ARHGEF3: variants seen among roughly 807,000 people sequenced by gnomAD.
ARHGEF3 encodes 59.8 kDA protein.
In ARHGEF3, 28 loss-of-function variants were observed where a neutral mutation model predicts 63.2. The ratio of observed to expected loss-of-function variants is 0.44; its 90% CI spans 0.33 to 0.61. ARHGEF3 has a LOEUF of 0.61. Among genes scored for constraint, ARHGEF3 ranks in the 20% least tolerant of loss-of-function variants. The probability of loss-of-function intolerance (pLI) is 0.03; values close to 1 mark genes in which losing one functional copy is unlikely to be tolerated. For synonymous variants in ARHGEF3, 266 were observed against 254.2 expected, an observed-to-expected ratio of 1.05 and a Z score of -0.44; for missense variants, 533 against 659.3, an observed-to-expected ratio of 0.81 and a Z score of 2.10.
intron 1 of ARHGEF3, among the ~76,000 whole-genome samples, chr3:56,784,756 G>A (rs750071595): frequency 2.0e-5 from 3 of 152,120 alleles, no homozygotes; most frequent in Non-Finnish European, 4.4e-5. Context: ...TATCACTCTG[G>A]CCCAAAGAGT....
Position 56,990,310 on chromosome 3 carries a change from G to A in ARHGEF3, c.63-31421C>T, listed in dbSNP as rs912919516. Reference sequence around the variant, plus strand: ...TTCAGAACACCTGCAAGGTGGCTGGGCCATGGCTCACGCCTGTAATCCCAC... The same window carrying A: ...TTCAGAACACCTGCAAGGTGGCTGGACCATGGCTCACGCCTGTAATCCCAC... On this transcript the variant is annotated intron_variant, in intron 2 of 12. Transcript: ENST00000338458. Among the ~76,000 whole-genome samples, 74 of 152,256 alleles carry A rather than the reference G, an allele frequency of 4.9e-4. 1 individual carries two copies. The highest frequency in any genetic ancestry group is 1.3e-4 in the Non-Finnish European group (9 of 68,050).
intron 3 of ARHGEF3, among the ~76,000 whole-genome samples, chr3:56,900,013 C>T (rs1308384952): frequency 6.6e-6 from 1 of 152,180 alleles, no homozygotes; most frequent in Non-Finnish European, 1.5e-5. Flanking sequence ...TTTACCTAAC[C>T]TTCTTCCTTC....
chr3:57,054,851 A>G (rs1035605408), intron 1 of ARHGEF3, among the ~76,000 whole-genome samples: 5 of 151,620 alleles, frequency 3.3e-5, no homozygotes, highest in African/African-American at 1.2e-4. Flanking sequence ...GGGTTTCACC[A>G]TGTTGGCCAG....
At chr3:56,801,100 A>C (rs902243996) in intron 1 of ARHGEF3, among the ~76,000 whole-genome samples, 2 of 152,218 alleles carry the variant, frequency 1.3e-5, no homozygotes, top group African/African-American at 2.4e-5. Context: ...TTCATTTTCA[A>C]GATCCATGTG....
At chr3:57,078,634 C>G (rs1706323650) in intron 1 of ARHGEF3, 1 of 152,264 alleles carries the variant, frequency 6.6e-6, no homozygotes, top group African/African-American at 2.4e-5. Context: ...TCTGGCTGCT[C>G]GGTTTACAAG....
chr3:56,853,771 C>G (rs2039762028), intron 4 of ARHGEF3, among the ~76,000 whole-genome samples: 2 of 152,298 alleles, frequency 1.3e-5, no homozygotes, highest in South Asian at 2.1e-4. Flanking sequence ...GACGCACATA[C>G]TACATGCCAA....
Position 56,732,389 on chromosome 3 carries a change from C to T in ARHGEF3, c.1077G>A (p.Val359=), listed in dbSNP as rs1031104339. Residue 359 remains valine, a synonymous_variant, in exon 9 of 10, where the codon GTG becomes GTA. Coordinates refer to ENST00000296315, the MANE Select transcript of ARHGEF3 (RefSeq NM_019555.3). ...LHVFLFQEVL[V]ITRAVTHNEQ... ...CATTGTGGGTGACGGCTCGAGTGATCACAAGCACTTCTTGGAACAGGAAAA... is the reference window on the plus strand; with the variant it reads ...CATTGTGGGTGACGGCTCGAGTGATTACAAGCACTTCTTGGAACAGGAAAA... The T allele has an allele frequency of 2.5e-6, 4 of 1,614,000 alleles. No homozygotes were observed. The African/African-American group carries it at 5.3e-5, about 22-fold the overall frequency.
chr3:57,072,598 C>A (rs1705973409), intron 1 of ARHGEF3, among the ~76,000 whole-genome samples: 1 of 150,888 alleles, frequency 6.6e-6, no homozygotes, highest in Non-Finnish European at 1.5e-5. Context: ...AAAAATTAGC[C>A]AGGCGTGGTG....
intron 4 of ARHGEF3, among the ~76,000 whole-genome samples, chr3:56,876,787 C>T (rs540483345): frequency 2.0e-4 from 31 of 152,294 alleles, no homozygotes; most frequent in African/African-American, 6.7e-4. Flanking sequence ...AGAAAAGATG[C>T]CCCACCACCA....
At chr3:56,769,882 C>T (rs2035912861) in intron 2 of ARHGEF3, among the ~76,000 whole-genome samples, 1 of 152,180 alleles carries the variant, frequency 6.6e-6, no homozygotes, top group African/African-American at 2.4e-5. Context: ...CCAAGCTGCT[C>T]AATTACAGCC....
intron 2 of ARHGEF3, among the ~76,000 whole-genome samples, chr3:56,983,371 T>C (rs542886101): frequency 1.3e-5 from 2 of 152,288 alleles, no homozygotes; most frequent in African/African-American, 4.8e-5. Context: ...CTCCCCACTG[T>C]GACCCCTGCC....
At position 56,882,606 on chromosome 3, in the gene ARHGEF3, C is replaced by T. The variant is rs551642690; in HGVS notation, c.130-252G>A. ...TGATCTTGGCTCACTGCAACCTCTG[C>T]CTCCTCGGTTCAAGCGATTCTCCTG... On this transcript the variant is annotated intron_variant, in intron 3 of 12. Transcript: ENST00000338458. 4.7e-5 allele frequency among the ~76,000 whole-genome samples: 7 copies of T among 150,464 alleles called. No homozygotes were observed. The East Asian group carries it at 7.9e-4, about 17-fold the overall frequency.
At chr3:56,756,602 TAC>T (rs1261500681) in intron 2 of ARHGEF3, among the ~76,000 whole-genome samples, 2 of 140,506 alleles carry the variant, frequency 1.4e-5, no homozygotes, top group Non-Finnish European at 3.0e-5. Flanking sequence ...CAGGCTGGAG[TAC>T]AGTGGTGCGA....
At chr3:57,015,795 C>G (rs1579095590) in intron 2 of ARHGEF3, among the ~76,000 whole-genome samples, 1 of 152,008 alleles carries the variant, frequency 6.6e-6, no homozygotes, top group Non-Finnish European at 1.5e-5. Flanking sequence ...TTCAGACCCT[C>G]AAAATGGATC....
At chr3:56,798,011 T>G (rs2037457034) in intron 1 of ARHGEF3, among the ~76,000 whole-genome samples, 1 of 152,232 alleles carries the variant, frequency 6.6e-6, no homozygotes, top group South Asian at 2.1e-4. Context: ...CCCCTCAGTG[T>G]CCTTATTCAT....
At chr3:56,759,957 G>A (rs2035325846) in intron 2 of ARHGEF3, among the ~76,000 whole-genome samples, 1 of 152,098 alleles carries the variant, frequency 6.6e-6, no homozygotes, top group Non-Finnish European at 1.5e-5. Context: ...TCAAATTCAC[G>A]TATTCTTTTT....
intron 4 of ARHGEF3, among the ~76,000 whole-genome samples, chr3:56,826,266 T>C (rs568603600): frequency 6.6e-6 from 1 of 152,334 alleles, no homozygotes; most frequent in African/African-American, 2.4e-5. Context: ...TCTTTTCTGT[T>C]ACCTAAACAT....
intron 2 of ARHGEF3, among the ~76,000 whole-genome samples, chr3:57,026,568 T>C (rs954012172): frequency 6.6e-6 from 1 of 152,184 alleles, no homozygotes; most frequent in Non-Finnish European, 1.5e-5. Flanking sequence ...ACCGACATGA[T>C]GTACATGGTC....
intron 3 of ARHGEF3, among the ~76,000 whole-genome samples, chr3:56,904,986 T>TTTAA (rs2041639733): frequency 1.3e-5 from 2 of 152,196 alleles, no homozygotes; most frequent in Non-Finnish European, 2.9e-5. Flanking sequence ...ATACACCGAA[T>TTTAA]ACTCTGCCAC....
Sources: allele counts gnomAD v4.1 joint callset (sites outside exome capture counted in the v4.1 genomes callset), GRCh38; gene constraint gnomAD v4.1.1; transcripts MANE v1.5; gene names NCBI Gene and HGNC (gene_info 2026-07-23, HGNC 2026-07-21).